Variants in ACOX1 observed in about 807,000 individuals in gnomAD.
ACOX1 encodes acyl-CoA oxidase 1, also known as peroxisomal acyl-coenzyme A oxidase 1.
A neutral mutation model predicts 75.5 loss-of-function variants in ACOX1; 41 were observed. The ratio of observed to expected loss-of-function variants is 0.54; its 90% CI spans 0.42 to 0.70. ACOX1 has a LOEUF of 0.70. ACOX1 is among the 30% of genes least tolerant of loss of function. The probability of loss-of-function intolerance (pLI) is 0.00; values close to 1 mark genes in which losing one functional copy is unlikely to be tolerated. For missense variants in ACOX1, 630 were observed against 837.5 expected, an observed-to-expected ratio of 0.75 and a Z score of 3.06; for synonymous variants, 303 against 298.8, an observed-to-expected ratio of 1.01 and a Z score of -0.15.
chr17:75,955,422 C>T (rs1229185488), intron 6 of ACOX1, 144 bp downstream of exon 6: 2 of 754,168 alleles, frequency 2.7e-6, no homozygotes, highest in Admixed American at 4.1e-5. Context: ...CTCAGCCTCC[C>T]AAAGTGCTGG....
At chr17:75,966,535 G>A (rs2065934385) in intron 2 of ACOX1, among the ~76,000 whole-genome samples, 1 of 151,886 alleles carries the variant, frequency 6.6e-6, no homozygotes, top group African/African-American at 2.4e-5. Flanking sequence ...TGGGCACGGT[G>A]GCTCACGCCT....
At chr17:75,972,080 T>C (rs893809261) in intron 2 of ACOX1, among the ~76,000 whole-genome samples, 3 of 136,282 alleles carry the variant, frequency 2.2e-5, no homozygotes, top group African/African-American at 8.1e-5. Context: ...GCTCATGCCT[T>C]GTAATCCCAG....
Position 75,946,772 on chromosome 17 carries a change from C to A in ACOX1, c.1959G>T (p.Leu653=). ...KAEVHESYKH[L]KSLQSKL ...TTCAGAGCTTGGACTGCAGTGACTT[C>A]AGGTGCTTGTAAGATTCGTGGACCT... The change falls in exon 14 of 14, where the codon CTG becomes CTT. Residue 653 remains leucine, a synonymous_variant. Coordinates refer to ENST00000293217, the MANE Select transcript of ACOX1 (RefSeq NM_004035.7). 6.2e-7 allele frequency: 1 copy of A among 1,614,034 alleles called. No homozygotes were observed. Among genetic ancestry groups the A allele is most frequent in the Non-Finnish European group, 8.5e-7 (1 of 1,179,918 alleles).
At chr17:75,961,777 A>C (rs1185318013) in intron 2 of ACOX1, among the ~76,000 whole-genome samples, 1 of 151,682 alleles carries the variant, frequency 6.6e-6, no homozygotes, top group African/African-American at 2.4e-5. Context: ...AAAAAAAAAA[A>C]AAAAAGTTGT....
At chr17:75,948,735 G>A (rs937770404) in intron 12 of ACOX1, among the ~76,000 whole-genome samples, 6 of 151,874 alleles carry the variant, frequency 4.0e-5, no homozygotes, top group South Asian at 2.1e-4. Context: ...TGTATTTTTA[G>A]TAGAGATGGG....
chr17:75,958,815 A>C (rs1056421577), intron 3 of ACOX1, among the ~76,000 whole-genome samples: 2 of 151,842 alleles, frequency 1.3e-5, no homozygotes, highest in African/African-American at 4.8e-5. Flanking sequence ...CTCAAAAAAA[A>C]AAAAAAAAAA....
intron 3 of ACOX1, among the ~76,000 whole-genome samples, chr17:75,959,088 A>C (rs1183038651): frequency 6.6e-6 from 1 of 152,220 alleles, no homozygotes; most frequent in Non-Finnish European, 1.5e-5. Context: ...TCTAGGTGGC[A>C]GTCTCTACAA....
chr17:75,949,681 C>A, intron 10 of ACOX1, 37 bp downstream of exon 10: 1 of 1,614,082 alleles, frequency 6.2e-7, no homozygotes. Context: ...GCCCCAGCCC[C>A]ACTGCTGCGT....
intron 2 of ACOX1, chr17:75,973,833 A>G (rs1162870566): frequency 1.2e-6 from 2 of 1,601,072 alleles, no homozygotes; most frequent in African/African-American, 2.7e-5. Context: ...TAGAAACTGC[A>G]TCCTACAACC....
At chr17:75,969,154 CTTATTTAT>C (rs543142027) in intron 2 of ACOX1, among the ~76,000 whole-genome samples, 31 of 152,056 alleles carry the variant, frequency 2.0e-4, no homozygotes, top group African/African-American at 5.5e-4. Flanking sequence ...AATACAGCGT[CTTATTTAT>C]TTATTTATTT....
At chr17:75,958,777 C>T (rs555731486) in intron 3 of ACOX1, among the ~76,000 whole-genome samples, 2 of 145,530 alleles carry the variant, frequency 1.4e-5, no homozygotes, top group South Asian at 4.3e-4. Flanking sequence ...CACTGCACTC[C>T]AGCCTGGGCG....
Position 75,978,657 on chromosome 17 carries a change from T to G in ACOX1, c.146A>C (p.Glu49Ala). 6.2e-7 allele frequency: 1 copy of G among 1,614,224 alleles called. No individual in the cohort carries two copies. Among genetic ancestry groups the G allele is most frequent in the Non-Finnish European group, 8.5e-7 (1 of 1,180,036 alleles). The stretch of plus-strand genomic sequence containing the variant: ...GCTGCGAGTGAGGAAGTTCAAGTCC[T>G]CATGCTGGAAGTCTGGGTCGTTCAG... ...MILNDPDFQHEDLNFLTRSQR... is the reference protein window; with the variant it reads ...MILNDPDFQHADLNFLTRSQR... Residue 49 changes from glutamate (E) to alanine (A), a missense_variant, in exon 2 of 14, where the codon GAG becomes GCG. Coordinates refer to ENST00000293217, the MANE Select transcript of ACOX1 (RefSeq NM_004035.7). The surrounding 1 kb of genome is among the most constrained non-coding windows in gnomAD (Gnocchi z 4.2).
At chr17:75,951,312 C>A in intron 8 of ACOX1, 103 bp downstream of exon 8, 1 of 1,437,322 alleles carries the variant, frequency 7.0e-7, no homozygotes, top group Non-Finnish European at 9.7e-7. Flanking sequence ...AGAATACATA[C>A]TTCTTTTCAG....
chr17:75,971,136 A>G (rs1175446095), intron 2 of ACOX1, among the ~76,000 whole-genome samples: 1 of 151,944 alleles, frequency 6.6e-6, no homozygotes, highest in Non-Finnish European at 1.5e-5. Flanking sequence ...TACTGAAAAT[A>G]CAAAATTAGC....
In ACOX1 at chr17:75,948,286, C is replaced by G; in HGVS notation, c.1900G>C (p.Glu634Gln). Residue 634 changes from glutamate (E) to glutamine (Q), a missense_variant, in exon 13 of 14, where the codon GAG becomes CAG. By Grantham distance (29) the Glu-to-Gln change is conservative. Transcript: ENST00000293217. ...TTCAGTGGGGAGTTCTTAGCCCACT[C>G]AAACAAGTTTTCATACACATTCCCA... ...YDGNVYENLFEWAKNSPLNKA... is the reference protein window; with the variant it reads ...YDGNVYENLFQWAKNSPLNKA... 6.2e-7 allele frequency: 1 copy of G among 1,614,150 alleles called. No individual in the cohort carries two copies. Among genetic ancestry groups the G allele is most frequent in the Non-Finnish European group, 8.5e-7 (1 of 1,180,028 alleles).
At position 75,973,231 on chromosome 17, in the gene ACOX1, C is replaced by T. The variant is rs1272146329; in HGVS notation, c.269+5303G>A. 3 of 239,930 alleles carry T rather than the reference C, an allele frequency of 1.3e-5. No individual in the cohort carries two copies. In the Admixed American group the frequency reaches 1.5e-4, roughly 12 times the overall value. 14.9% of individuals were successfully genotyped at this position (239,930 alleles called of 1,614,324 possible). A position where few individuals can be genotyped will look rare whatever the true frequency, so the allele number is the denominator to read the frequency against. Reference sequence around the variant, plus strand: ...AGGTAGCTGCCACTGCCTGCTGCCCCCATTAAAATCCACAGCTTTAACTGC... The same window carrying T: ...AGGTAGCTGCCACTGCCTGCTGCCCTCATTAAAATCCACAGCTTTAACTGC... On this transcript the variant is annotated intron_variant, in intron 2 of 13. Transcript: ENST00000293217.
intron 6 of ACOX1, 60 bp downstream of exon 6, chr17:75,955,502 TGTGA>T: frequency 7.7e-7 from 1 of 1,306,736 alleles, no homozygotes; most frequent in African/African-American, 1.4e-5. Flanking sequence ...CTAACCCTAT[TGTGA>T]GTAACAGCCA....
At position 75,949,725 on chromosome 17, in the gene ACOX1, C is replaced by A. The variant is rs2144237300; in HGVS notation, c.1471G>T (p.Ala491Ser). The change falls in exon 10 of 14, where the codon GCA becomes TCA. Residue 491 changes from alanine (A) to serine (S), a missense_variant. By Grantham distance (99) the Ala-to-Ser change is moderately conservative (BLOSUM62 1). Transcript: ENST00000293217. ...ESLTEAYKLR[A>S]ARLVEIAAKN... ...TCTTGAGGGAGAGCTCACCTGGCTGCACGGAGTTTATATGCTTCGGTTAGG... is the reference window on the plus strand; with the variant it reads ...TCTTGAGGGAGAGCTCACCTGGCTGAACGGAGTTTATATGCTTCGGTTAGG... 6.2e-7 allele frequency: 1 copy of A among 1,614,174 alleles called. No individual in the cohort carries two copies.
At chr17:75,963,591 C>T (rs926575959) in intron 2 of ACOX1, among the ~76,000 whole-genome samples, 8 of 151,310 alleles carry the variant, frequency 5.3e-5, no homozygotes, top group South Asian at 2.1e-4. Flanking sequence ...CCCAGCTACT[C>T]GGGAGGCTGG....
Sources: gnomAD v4.1 joint callset for allele counts (sites outside exome capture counted in the v4.1 genomes callset) on GRCh38, gnomAD v4.1.1 for gene constraint, Gnocchi (gnomAD v3.1) non-coding constraint, MANE v1.5 for transcripts, NCBI Gene and HGNC (gene_info 2026-07-23, HGNC 2026-07-21) for gene names.